The following DNAJC15 variants were observed in gnomAD, a reference collection of about 807,000 sequenced individuals.
The protein encoded by DNAJC15 is DnaJ heat shock protein family (Hsp40) member C15.
DNAJC15 carries 27 observed loss-of-function variants against 22.4 expected under a neutral mutation model. The ratio of observed to expected loss-of-function variants is 1.20; its 90% CI spans 0.89 to 1.66. The LOEUF is 1.66. Ranked by LOEUF, DNAJC15 falls within the 40% of genes most tolerant of loss-of-function variation. The pLI, the probability that DNAJC15 is intolerant of heterozygous loss-of-function variation, is 0.00. For missense variants in DNAJC15, 208 were observed against 187.1 expected, an observed-to-expected ratio of 1.11 and a Z score of -0.65; for synonymous variants, 79 against 63.2, an observed-to-expected ratio of 1.25 and a Z score of -1.19.
intron 1 of DNAJC15, among the ~76,000 whole-genome samples, chr13:43,033,124 G>A (rs1246020858): frequency 6.6e-6 from 1 of 152,132 alleles, no homozygotes; most frequent in African/African-American, 2.4e-5. Context: ...ATGAGAAATT[G>A]CCGCCATGAC....
Position 43,112,967 on chromosome 13 carries a change from A to T in DNAJC15, c.*5719A>T, listed in dbSNP as rs1347033410. 6.6e-6 allele frequency: 1 copy of T among 152,204 alleles called. No individual in the cohort carries two copies. Among genetic ancestry groups the T allele is most frequent in the Non-Finnish European group, 1.5e-5 (1 of 68,046 alleles). 9.4% of individuals were successfully genotyped at this position (152,204 alleles called of 1,614,324 possible). On this transcript the variant is annotated 3_prime_UTR_variant, in exon 6 of 6. Coordinates refer to ENST00000379221, the MANE Select transcript of DNAJC15 (RefSeq NM_013238.3). ...TGGGCAAGGAGTACCTAATCTCTTT[A>T]ATTCTTCCCTGGAAGCTTACGATGT...
intron 1 of DNAJC15, among the ~76,000 whole-genome samples, chr13:43,028,613 T>C (rs186683573): frequency 2.0e-5 from 3 of 152,322 alleles, no homozygotes; most frequent in Non-Finnish European, 4.4e-5. Context: ...CATGTACTGA[T>C]CCTTAAATGA....
At chr13:43,067,371 T>A (rs77171413) in intron 2 of DNAJC15, among the ~76,000 whole-genome samples, 2,928 of 152,326 alleles carry the variant, frequency 0.019, 75 homozygotes, top group South Asian at 0.11. Context: ...TTATACTTAA[T>A]GAATTTCTGA....
intron 5 of DNAJC15, among the ~76,000 whole-genome samples, chr13:43,106,102 TGG>T (rs1440398467): frequency 2.0e-5 from 3 of 152,118 alleles, no homozygotes. Context: ...ATAAGCTGGG[TGG>T]TATGGTATCA....
rs1201895691 is a variant in DNAJC15 at position 43,108,460 on chromosome 13, G to A, written c.*1212G>A. ...CAGATTCAGATAGAGTGCCAGCATT[G>A]TTTCCCAGTATTCCTTTACAAATCT... On this transcript the variant is annotated 3_prime_UTR_variant, in exon 6 of 6. Transcript: ENST00000379221. 1 of 152,140 alleles carries A rather than the reference G, an allele frequency of 6.6e-6. No homozygotes were observed. The highest frequency in any genetic ancestry group is 1.5e-5 in the Non-Finnish European group (1 of 68,004). 9.4% of individuals were successfully genotyped at this position (152,140 alleles called of 1,614,324 possible). A position where few individuals can be genotyped will look rare whatever the true frequency, so the allele number is the denominator to read the frequency against.
At chr13:43,036,760 C>T (rs2040430838) in intron 1 of DNAJC15, among the ~76,000 whole-genome samples, 1 of 152,276 alleles carries the variant, frequency 6.6e-6, no homozygotes, top group Non-Finnish European at 1.5e-5. Flanking sequence ...CTGGACCTCC[C>T]TCCTGGGCTT....
intron 1 of DNAJC15, among the ~76,000 whole-genome samples, chr13:43,025,450 TA>T (rs2040376295): frequency 1.3e-5 from 2 of 152,190 alleles, no homozygotes; most frequent in South Asian, 2.1e-4. Flanking sequence ...ACTTGAAGGC[TA>T]AAGTGTAGGC....
intron 1 of DNAJC15, among the ~76,000 whole-genome samples, chr13:43,039,525 ACAC>A (rs1327647137): frequency 6.6e-6 from 1 of 152,178 alleles, no homozygotes; most frequent in Non-Finnish European, 1.5e-5. Context: ...GGGGGTGGAG[ACAC>A]CAAGGGAAGG....
At chr13:43,091,753 A>G (rs770484008) in intron 5 of DNAJC15, among the ~76,000 whole-genome samples, 3 of 151,904 alleles carry the variant, frequency 2.0e-5, no homozygotes, top group Non-Finnish European at 2.9e-5. Flanking sequence ...ATTCAGTTCA[A>G]AATACTGTAA....
intron 1 of DNAJC15, among the ~76,000 whole-genome samples, chr13:43,056,948 TTGATCGTAG>T (rs1284782064): frequency 6.6e-6 from 1 of 152,236 alleles, no homozygotes; most frequent in African/African-American, 2.4e-5. Context: ...AGATTCCTTC[TTGATCGTAG>T]GGTTTCTGCT....
intron 1 of DNAJC15, among the ~76,000 whole-genome samples, chr13:43,047,496 A>C (rs1024034249): frequency 6.6e-6 from 1 of 152,112 alleles, no homozygotes; most frequent in African/African-American, 2.4e-5. Flanking sequence ...ATGAGAATGA[A>C]AAAAGGACCA....
At chr13:43,078,368 C>T (rs1013759340) in intron 3 of DNAJC15, among the ~76,000 whole-genome samples, 1 of 152,116 alleles carries the variant, frequency 6.6e-6, no homozygotes, top group African/African-American at 2.4e-5. Flanking sequence ...TTTGTTCTTT[C>T]TGTTGTATCT....
chr13:43,024,337 G>A (rs886760490), intron 1 of DNAJC15, among the ~76,000 whole-genome samples: 1 of 93,400 alleles, frequency 1.1e-5, no homozygotes, highest in African/African-American at 4.2e-5. Flanking sequence ...GTATTTTTAC[G>A]TTTTTTTTTT....
chr13:43,024,055 A>G (rs2281782), intron 1 of DNAJC15, among the ~76,000 whole-genome samples: 41,707 of 151,926 alleles, frequency 0.27, 6,009 homozygotes, highest in African/African-American at 0.39. Context: ...GGCCCTAAAA[A>G]CGTCTTGCAG....
intron 1 of DNAJC15, among the ~76,000 whole-genome samples, chr13:43,044,096 T>C (rs937699608): frequency 1.3e-5 from 2 of 152,338 alleles, no homozygotes; most frequent in South Asian, 2.1e-4. Context: ...ACCCAAATTA[T>C]ATTGATTTGC....
chr13:43,038,056 G>A (rs559344960), intron 1 of DNAJC15, among the ~76,000 whole-genome samples: 12 of 152,204 alleles, frequency 7.9e-5, no homozygotes, highest in African/African-American at 2.9e-4. Context: ...CCATTGTTGG[G>A]TAGTCAGATT....
intron 5 of DNAJC15, among the ~76,000 whole-genome samples, chr13:43,097,322 G>C (rs553163234): frequency 4.6e-5 from 7 of 152,304 alleles, no homozygotes; most frequent in African/African-American, 1.7e-4. Flanking sequence ...AGAACATATG[G>C]TTTGTTTCTG....
intron 1 of DNAJC15, among the ~76,000 whole-genome samples, chr13:43,031,416 C>G (rs1452580757): frequency 6.6e-6 from 1 of 152,102 alleles, no homozygotes; most frequent in Non-Finnish European, 1.5e-5. Context: ...AAGCCCAGAG[C>G]AGTGTTTAAG....
intron 1 of DNAJC15, among the ~76,000 whole-genome samples, chr13:43,024,113 A>T (rs1311526070): frequency 6.6e-6 from 1 of 152,194 alleles, no homozygotes; most frequent in East Asian, 1.9e-4. Flanking sequence ...CTGTAGTTAA[A>T]AATTAAGATC....
Sources: gnomAD v4.1 joint callset for allele counts (sites outside exome capture counted in the v4.1 genomes callset) on GRCh38, gnomAD v4.1.1 for gene constraint, MANE v1.5 for transcripts, NCBI Gene and HGNC (gene_info 2026-07-23, HGNC 2026-07-21) for gene names.